Variants in UNC13C observed in about 807,000 individuals in gnomAD.
UNC13C encodes the protein unc-13 homolog C.
UNC13C carries 174 observed loss-of-function variants against 245.4 expected under a neutral mutation model. The observed-to-expected ratio is 0.71, with a 90% confidence interval of 0.63 to 0.80. The LOEUF is 0.80. Among genes scored for constraint, UNC13C ranks in the 30% least tolerant of loss-of-function variants. The pLI is 0.00. For missense variants in UNC13C, 2,829 were observed against 2,602.9 expected (o/e 1.09, Z -1.89); for synonymous variants, 992 against 895.1 (o/e 1.11, Z -1.93).
intron 2 of UNC13C, among the ~76,000 whole-genome samples, chr15:54,016,602 TTAAC>T (rs145782136): frequency 0.019 from 2,875 of 152,316 alleles, 84 homozygotes; most frequent in African/African-American, 0.066. Flanking sequence ...GAAGAGTACC[TTAAC>T]TAACTATTTT....
intron 19 of UNC13C, among the ~76,000 whole-genome samples, chr15:54,431,196 G>A (rs535653470): frequency 6.6e-6 from 1 of 151,604 alleles, no homozygotes; most frequent in African/African-American, 2.4e-5. Context: ...AGAAATTCAG[G>A]TTTATAACAT....
chr15:54,474,986 C>A (rs1316167799), intron 19 of UNC13C, among the ~76,000 whole-genome samples: 3 of 151,888 alleles, frequency 2.0e-5, no homozygotes, highest in Non-Finnish European at 4.4e-5. Context: ...GGATACCAAG[C>A]CATTAGTGTG....
intron 16 of UNC13C, 96 bp from the exon 17 acceptor site, chr15:54,338,265 A>C (rs2038641270): frequency 1.5e-6 from 2 of 1,353,596 alleles, no homozygotes; most frequent in Non-Finnish European, 2.0e-6. Context: ...AGAAAAATCG[A>C]CTGAAAGTAT....
At chr15:54,554,801 C>G (rs554042543) in intron 28 of UNC13C, among the ~76,000 whole-genome samples, 2 of 151,900 alleles carry the variant, frequency 1.3e-5, no homozygotes, top group African/African-American at 4.8e-5. Context: ...CCTAAATAAG[C>G]TTTGTATGAT....
intron 4 of UNC13C, among the ~76,000 whole-genome samples, chr15:54,180,055 G>A (rs1490120109): frequency 2.6e-5 from 4 of 152,024 alleles, no homozygotes; most frequent in East Asian, 1.9e-4. Context: ...GTGCAGGTTC[G>A]TTACCTGGGT....
the UNC13C span, among the ~76,000 whole-genome samples, chr15:53,920,991 T>C: frequency 6.6e-6 from 1 of 151,866 alleles, no homozygotes; most frequent in Non-Finnish European, 1.5e-5. Context: ...GAGGGAGTAA[T>C]ATTTGAAATG....
chr15:54,108,452 G>C (rs1464144591), intron 2 of UNC13C, among the ~76,000 whole-genome samples: 2 of 152,178 alleles, frequency 1.3e-5, no homozygotes, highest in Non-Finnish European at 2.9e-5. Flanking sequence ...CTCTCAAAGT[G>C]CTGGGATTAC....
downstream of UNC13C, chr15:54,629,857 A>T (rs1036201706): frequency 6.6e-6 from 1 of 152,328 alleles, no homozygotes. Context: ...ATATATATCA[A>T]AGCCTAATAG....
chr15:54,527,118 T>C (rs931007512), intron 25 of UNC13C, among the ~76,000 whole-genome samples: 4 of 152,050 alleles, frequency 2.6e-5, no homozygotes, highest in Non-Finnish European at 5.9e-5. Flanking sequence ...TGTTGTTAGC[T>C]GATTGGATGA....
At chr15:54,371,801 A>G (rs1292932492) in intron 17 of UNC13C, among the ~76,000 whole-genome samples, 1 of 152,146 alleles carries the variant, frequency 6.6e-6, no homozygotes, top group Non-Finnish European at 1.5e-5. Flanking sequence ...GGCAACACGT[A>G]TGAACCTGGA....
chr15:54,351,243 C>G (rs976418824), intron 17 of UNC13C, among the ~76,000 whole-genome samples: 3 of 152,048 alleles, frequency 2.0e-5, no homozygotes, highest in African/African-American at 4.8e-5. Flanking sequence ...TACAGGATAT[C>G]CAGTGAAGTG....
chr15:54,149,303 TTTAG>T (rs2032416707), intron 4 of UNC13C, among the ~76,000 whole-genome samples: 1 of 152,170 alleles, frequency 6.6e-6, no homozygotes, highest in African/African-American at 2.4e-5. Flanking sequence ...TCTTTGACCT[TTTAG>T]TTAGTTATTT....
chr15:54,381,621 A>T (rs67810220), intron 17 of UNC13C, among the ~76,000 whole-genome samples: 21,356 of 152,010 alleles, frequency 0.14, 1,782 homozygotes, highest in Middle Eastern at 0.23. Context: ...GTCTTTTTAA[A>T]TTTCTTTTAT....
chr15:54,049,967 A>G (rs558532501), intron 2 of UNC13C: 4 of 221,562 alleles, frequency 1.8e-5, no homozygotes, highest in Admixed American at 1.1e-4. Context: ...TTAGCATTTG[A>G]TCGAAGAGGT....
At chr15:53,932,547 T>C in the UNC13C span, among the ~76,000 whole-genome samples, 1 of 152,152 alleles carries the variant, frequency 6.6e-6, no homozygotes, top group Non-Finnish European at 1.5e-5. Context: ...CCCAAGGCAA[T>C]TAGACATACT....
intron 2 of UNC13C, among the ~76,000 whole-genome samples, chr15:54,090,191 A>G (rs908420001): frequency 6.6e-6 from 1 of 152,164 alleles, no homozygotes; most frequent in Non-Finnish European, 1.5e-5. Flanking sequence ...AGGAGGATGT[A>G]TTCTGTATAG....
At chr15:54,226,477 A>G (rs532164568) in intron 4 of UNC13C, among the ~76,000 whole-genome samples, 24 of 152,192 alleles carry the variant, frequency 1.6e-4, no homozygotes, top group Middle Eastern at 3.4e-3. Context: ...TGGAGTGTCA[A>G]TTTGCTAGCT....
the UNC13C span, among the ~76,000 whole-genome samples, chr15:53,933,367 A>G: frequency 6.6e-6 from 1 of 152,194 alleles, no homozygotes; most frequent in Admixed American, 6.5e-5. Flanking sequence ...ATATACATAT[A>G]TATATCTTAA....
chr15:54,254,964 A>G (rs976394447), intron 8 of UNC13C, among the ~76,000 whole-genome samples: 15 of 152,140 alleles, frequency 9.9e-5, no homozygotes, highest in African/African-American at 2.4e-4. Flanking sequence ...TAAATCCTCA[A>G]TGCTCCTGAA....
Sources: allele counts gnomAD v4.1 joint callset (sites outside exome capture counted in the v4.1 genomes callset), GRCh38; gene constraint gnomAD v4.1.1; transcripts MANE v1.5; gene names NCBI Gene and HGNC (gene_info 2026-07-23, HGNC 2026-07-21).